ANGPT1: variants seen among roughly 807,000 people sequenced by gnomAD.
ANGPT1 encodes the protein angiopoietin-1.
Under a neutral mutation model 62.2 loss-of-function variants are expected in ANGPT1, and 17 were observed. That is an observed-to-expected ratio of 0.27 (90% CI 0.19 to 0.41). The LOEUF (loss-of-function observed/expected upper bound fraction) is 0.41, where lower values mean the gene tolerates loss of function less well. ANGPT1 is among the 10% of genes least tolerant of loss of function. The pLI is 1.00. For synonymous variants in ANGPT1, 199 were observed against 198.9 expected (o/e 1.00, Z 0.00); for missense variants, 478 against 594.9 (o/e 0.80, Z 2.04).
intron 1 of ANGPT1, among the ~76,000 whole-genome samples, chr8:107,354,158 A>G (rs183478395): frequency 1.7e-4 from 26 of 152,282 alleles, no homozygotes; most frequent in Admixed American, 1.1e-3. Context: ...CTCTCTTTGC[A>G]TAAGCGAATG....
In ANGPT1 at chr8:107,250,065, T is replaced by C. The variant is rs140916829; in HGVS notation, c.*1790A>G. ...TGGTAAACTTTAAAAAGTATTTTTC[T>C]TAACAATGTGAATAGCTTTATTTTC... On this transcript the variant is annotated 3_prime_UTR_variant, in exon 9 of 9. Coordinates refer to ENST00000517746, the MANE Select transcript of ANGPT1 (RefSeq NM_001146.5). 658 of 152,674 alleles carry C rather than the reference T, an allele frequency of 4.3e-3. 8 individuals carry two copies. Among genetic ancestry groups the C allele is most frequent in the Non-Finnish European group, 3.4e-3 (230 of 67,996 alleles). 9.5% of individuals were successfully genotyped at this position (152,674 alleles called of 1,614,324 possible). A position where few individuals can be genotyped will look rare whatever the true frequency, so the allele number is the denominator to read the frequency against.
chr8:107,335,627 G>A lies in ANGPT1; in HGVS notation c.575+523C>T, dbSNP rs549540336. Among the ~76,000 whole-genome samples the A allele has an allele frequency of 1.7e-3, 259 of 152,046 alleles. 1 individual carries two copies. The highest frequency in any genetic ancestry group is 3.2e-3 in the Non-Finnish European group (217 of 67,982). ...ATGTCCAAAGTAAATGGCTGTAAATGACAACTAAAAAACCAAACCCTTGAT... is the reference window on the plus strand; with the variant it reads ...ATGTCCAAAGTAAATGGCTGTAAATAACAACTAAAAAACCAAACCCTTGAT... On this transcript the variant is annotated intron_variant, in intron 3 of 8. Coordinates refer to ENST00000517746, the MANE Select transcript of ANGPT1 (RefSeq NM_001146.5).
At chr8:107,278,654 A>G (rs999511302) in intron 7 of ANGPT1, among the ~76,000 whole-genome samples, 10 of 152,186 alleles carry the variant, frequency 6.6e-5, no homozygotes, top group Admixed American at 6.5e-4. Context: ...GTCATCAGAT[A>G]TGGTGAAGTC....
rs552553336 is a variant in ANGPT1 at position 107,305,980 on chromosome 8, C to T, written c.809-2613G>A. 3.9e-5 allele frequency among the ~76,000 whole-genome samples: 6 copies of T among 151,928 alleles called. No homozygotes were observed. The South Asian group carries it at 1.0e-3, about 26-fold the overall frequency. ...GTCCCTTTGATAAGGGTAGATTGAC[C>T]TTTAGAGTTTTTTTTGTCCTTAATC... On this transcript the variant is annotated intron_variant, in intron 4 of 8. Coordinates refer to ENST00000517746, the MANE Select transcript of ANGPT1 (RefSeq NM_001146.5).
chr8:107,382,312 G>A (rs1816654010), intron 1 of ANGPT1, among the ~76,000 whole-genome samples: 3 of 152,170 alleles, frequency 2.0e-5, no homozygotes, highest in Middle Eastern at 6.8e-3. Flanking sequence ...CAACAAAGTA[G>A]ATTACAAAAA....
At chr8:107,388,052 A>C (rs1291085068) in intron 1 of ANGPT1, among the ~76,000 whole-genome samples, 1 of 151,810 alleles carries the variant, frequency 6.6e-6, no homozygotes, top group Non-Finnish European at 1.5e-5. Context: ...AGTTTGCTCA[A>C]TTTATAATGA....
chr8:107,250,065 T>G lies in ANGPT1; in HGVS notation c.*1790A>C, dbSNP rs140916829. The G allele has an allele frequency of 6.5e-6, 1 of 152,674 alleles. No homozygotes were observed. Among genetic ancestry groups the G allele is most frequent in the African/African-American group, 2.4e-5 (1 of 41,566 alleles). 9.5% of individuals were successfully genotyped at this position (152,674 alleles called of 1,614,324 possible). On this transcript the variant is annotated 3_prime_UTR_variant, in exon 9 of 9. Transcript: ENST00000517746. ...TGGTAAACTTTAAAAAGTATTTTTCTTAACAATGTGAATAGCTTTATTTTC... is the reference window on the plus strand; with the variant it reads ...TGGTAAACTTTAAAAAGTATTTTTCGTAACAATGTGAATAGCTTTATTTTC...
Position 107,492,551 on chromosome 8 carries a change from G to A in ANGPT1, c.297+4711C>T, listed in dbSNP as rs139212505. Among the ~76,000 whole-genome samples, 823 of 152,254 alleles carry A rather than the reference G, an allele frequency of 5.4e-3. 7 individuals are homozygous for A. Among genetic ancestry groups the A allele is most frequent in the African/African-American group, 0.019 (779 of 41,544 alleles). ...AGGGTTTCGCCATGTTGGCCAGGCT[G>A]GTCTCGAACTCTTCACCTCAGGTGA... On this transcript the variant is annotated intron_variant, in intron 1 of 8. Coordinates refer to ENST00000517746, the MANE Select transcript of ANGPT1 (RefSeq NM_001146.5).
intron 1 of ANGPT1, among the ~76,000 whole-genome samples, chr8:107,445,156 A>G (rs570057063): frequency 6.6e-6 from 1 of 152,254 alleles, no homozygotes; most frequent in South Asian, 2.1e-4. Flanking sequence ...TCATATCAGA[A>G]TCTTTTCTAT....
chr8:107,395,256 T>G (rs1473730394), intron 1 of ANGPT1, among the ~76,000 whole-genome samples: 1 of 152,212 alleles, frequency 6.6e-6, no homozygotes, highest in Non-Finnish European at 1.5e-5. Context: ...CTCTATGATT[T>G]CTTCCATTTC....
intron 1 of ANGPT1, among the ~76,000 whole-genome samples, chr8:107,481,327 G>T (rs566232276): frequency 1.1e-3 from 167 of 152,104 alleles, no homozygotes; most frequent in African/African-American, 3.9e-3. Context: ...GAGGTCAAGA[G>T]ATCGAAACCA....
At chr8:107,449,167 C>T (rs778340264) in intron 1 of ANGPT1, among the ~76,000 whole-genome samples, 6 of 152,046 alleles carry the variant, frequency 3.9e-5, no homozygotes, top group Non-Finnish European at 5.9e-5. Flanking sequence ...CTTGTCCCTA[C>T]ATCAAACAGT....
At chr8:107,383,929 T>C (rs1816685962) in intron 1 of ANGPT1, among the ~76,000 whole-genome samples, 1 of 152,128 alleles carries the variant, frequency 6.6e-6, no homozygotes, top group African/African-American at 2.4e-5. Flanking sequence ...TGTAATCTAA[T>C]GAAATTTTCA....
At chr8:107,311,177 G>A (rs2130013279) in intron 4 of ANGPT1, among the ~76,000 whole-genome samples, 1 of 148,994 alleles carries the variant, frequency 6.7e-6, no homozygotes, top group South Asian at 2.1e-4. Context: ...GTATGTGTGT[G>A]AGGAAAAGAC....
chr8:107,417,922 T>C (rs533716662), intron 1 of ANGPT1, among the ~76,000 whole-genome samples: 2 of 152,282 alleles, frequency 1.3e-5, no homozygotes, highest in African/African-American at 2.4e-5. Flanking sequence ...GTTTCCCTCA[T>C]AGTCTTGTAA....
intron 8 of ANGPT1, among the ~76,000 whole-genome samples, chr8:107,263,294 C>A (rs1813536387): frequency 7.3e-6 from 1 of 137,258 alleles, no homozygotes; most frequent in East Asian, 2.2e-4. Flanking sequence ...GTGGAGGCTG[C>A]AGTGAGCCGA....
intron 1 of ANGPT1, among the ~76,000 whole-genome samples, chr8:107,474,640 A>G (rs1812461836): frequency 6.6e-6 from 1 of 152,182 alleles, no homozygotes; most frequent in African/African-American, 2.4e-5. Context: ...AGAGAAGTCA[A>G]ATTGTCCGTG....
chr8:107,291,912 C>A, intron 6 of ANGPT1, among the ~76,000 whole-genome samples: 1 of 144,436 alleles, frequency 6.9e-6, no homozygotes, highest in East Asian at 2.1e-4. Context: ...GGGGGCTTGC[C>A]ACTTAATAGG....
rs191906131 is a variant in ANGPT1 at position 107,471,095 on chromosome 8, C to T, written c.297+26167G>A. ...ATTCTACTATAAAGACACATGCCCA[C>T]GTATGTTTATTGTGGCACTGTTTGC... On this transcript the variant is annotated intron_variant, in intron 1 of 8. Transcript: ENST00000517746. Among the ~76,000 whole-genome samples the T allele has an allele frequency of 8.5e-5, 13 of 152,160 alleles. No homozygotes were observed. The East Asian group carries it at 1.9e-3, about 23-fold the overall frequency.
Sources: gnomAD v4.1 joint callset for allele counts (sites outside exome capture counted in the v4.1 genomes callset) on GRCh38, gnomAD v4.1.1 for gene constraint, MANE v1.5 for transcripts, NCBI Gene and HGNC (gene_info 2026-07-23, HGNC 2026-07-21) for gene names.